Variants in ADAMTS16 observed in about 807,000 individuals in gnomAD.
ADAMTS16 encodes A disintegrin and metalloproteinase with thrombospondin motifs 16.
ADAMTS16 carries 94 observed loss-of-function variants against 145.8 expected under a neutral mutation model. The observed-to-expected ratio is 0.64, with a 90% CI of 0.55 to 0.77. ADAMTS16 has a LOEUF of 0.77. ADAMTS16 is among the 30% of genes least tolerant of loss of function. ADAMTS16 has a pLI of 0.00. For synonymous variants in ADAMTS16, 659 were observed against 604.3 expected (o/e 1.09, Z -1.33); for missense variants, 1,585 against 1,591.5 (o/e 1.00, Z 0.07).
chr5:5,210,990 T>C (rs1736259949), intron 10 of ADAMTS16, among the ~76,000 whole-genome samples: 2 of 152,256 alleles, frequency 1.3e-5, no homozygotes, highest in South Asian at 4.1e-4. Context: ...GTTGATTTGC[T>C]GATATTTGCT....
At chr5:5,164,974 T>A (rs1159158538) in intron 3 of ADAMTS16, among the ~76,000 whole-genome samples, 1 of 152,210 alleles carries the variant, frequency 6.6e-6, no homozygotes, top group African/African-American at 2.4e-5. Flanking sequence ...AGGTATGATT[T>A]ACATAACTAC....
At chr5:5,142,758 G>C (rs1272056428) in intron 2 of ADAMTS16, among the ~76,000 whole-genome samples, 5 of 152,104 alleles carry the variant, frequency 3.3e-5, no homozygotes, top group African/African-American at 1.2e-4. Context: ...AAATAGCAAA[G>C]AGAACAAAGC....
At chr5:5,247,342 A>C (rs770813801) in intron 17 of ADAMTS16, among the ~76,000 whole-genome samples, 1 of 151,884 alleles carries the variant, frequency 6.6e-6, no homozygotes, top group Non-Finnish European at 1.5e-5. Flanking sequence ...TAAATTACAA[A>C]ATATATTACC....
chr5:5,260,593 A>C (rs1198134776), intron 17 of ADAMTS16, among the ~76,000 whole-genome samples: 3 of 152,196 alleles, frequency 2.0e-5, no homozygotes, highest in African/African-American at 7.2e-5. Context: ...CTGCTTTATC[A>C]ATGCTCAAAG....
At chr5:5,242,812 T>C (rs191570659) in intron 17 of ADAMTS16, among the ~76,000 whole-genome samples, 1 of 152,348 alleles carries the variant, frequency 6.6e-6, no homozygotes, top group Admixed American at 6.5e-5. Context: ...AAAGGAAGTT[T>C]TTAGCCAGAG....
chr5:5,306,460 AAAG>A (rs761198243), intron 20 of ADAMTS16, 41 bp from the exon 21 acceptor site: 18 of 1,571,370 alleles, frequency 1.1e-5, no homozygotes, highest in East Asian at 2.3e-5. Flanking sequence ...TTTTGCAAAA[AAAG>A]AGATTTTTTT....
chr5:5,175,492 C>T (rs1183293979), intron 3 of ADAMTS16, among the ~76,000 whole-genome samples: 1 of 152,192 alleles, frequency 6.6e-6, no homozygotes, highest in Non-Finnish European at 1.5e-5. Context: ...AACACACTCA[C>T]TCCCTTGGCC....
At chr5:5,192,224 C>A (rs1254866566) in intron 8 of ADAMTS16, among the ~76,000 whole-genome samples, 1 of 152,134 alleles carries the variant, frequency 6.6e-6, no homozygotes, top group Non-Finnish European at 1.5e-5. Context: ...CACAGCAATG[C>A]ACAAGTTTCC....
At chr5:5,244,409 CA>C in intron 17 of ADAMTS16, among the ~76,000 whole-genome samples, 1 of 152,266 alleles carries the variant, frequency 6.6e-6, no homozygotes, top group African/African-American at 2.4e-5. Context: ...ATTATCTTGT[CA>C]AAACCTTCGA....
rs769055460 is a variant in ADAMTS16, at chr5:5,146,410, A to T, written c.456A>T (p.Arg152=). 2.5e-6 allele frequency: 4 copies of T among 1,613,150 alleles called. No individual in the cohort carries two copies. In the African/African-American group the frequency reaches 5.3e-5, roughly 22 times the overall value. The change falls in exon 3 of 23, where the codon CGA becomes CGT. Residue 152 remains arginine, a synonymous_variant. Transcript: ENST00000274181. ...TCTGTTTCTATCAAGGCTCTTTGCG[A>T]TCACACAGAAACTCCTCAGTGGCCC... The part of the protein sequence containing the change: ...EDFCFYQGSL[R]SHRNSSVALS...
At chr5:5,169,398 T>C (rs766829151) in intron 3 of ADAMTS16, among the ~76,000 whole-genome samples, 1 of 152,160 alleles carries the variant, frequency 6.6e-6, no homozygotes, top group Non-Finnish European at 1.5e-5. Flanking sequence ...CATTCATTCG[T>C]CATTGCCCAG....
At chr5:5,183,931 A>G (rs1249615036) in intron 4 of ADAMTS16, among the ~76,000 whole-genome samples, 1 of 152,218 alleles carries the variant, frequency 6.6e-6, no homozygotes, top group African/African-American at 2.4e-5. Flanking sequence ...TTCATAATAA[A>G]ACTAGCGAAA....
At chr5:5,275,416 T>C (rs1432421080) in intron 18 of ADAMTS16, among the ~76,000 whole-genome samples, 1 of 152,202 alleles carries the variant, frequency 6.6e-6, no homozygotes, top group African/African-American at 2.4e-5. Flanking sequence ...GTGTTCTGAA[T>C]AGGGTTATTC....
At chr5:5,158,253 T>A (rs192979564) in intron 3 of ADAMTS16, among the ~76,000 whole-genome samples, 211 of 152,282 alleles carry the variant, frequency 1.4e-3, no homozygotes, top group Non-Finnish European at 2.0e-3. Flanking sequence ...AGCACCATGA[T>A]TGTTACGATT....
At position 5,209,458 on chromosome 5, in the gene ADAMTS16, A is replaced by G. The variant is rs1198506452; in HGVS notation, c.1605+212A>G. On this transcript the variant is annotated intron_variant, in intron 10 of 22. Transcript: ENST00000274181. Reference sequence around the variant, plus strand: ...TTGTGGGTATCAGTTTTCATTTGAGAACCGACTTGGCCTGTTAGGTTGGAT... The same window carrying G: ...TTGTGGGTATCAGTTTTCATTTGAGGACCGACTTGGCCTGTTAGGTTGGAT... 3.3e-5 allele frequency among the ~76,000 whole-genome samples: 5 copies of G among 152,266 alleles called. No individual in the cohort carries two copies. The East Asian group carries it at 9.7e-4, about 29-fold the overall frequency.
intron 4 of ADAMTS16, among the ~76,000 whole-genome samples, chr5:5,183,468 G>T (rs1004315830): frequency 2.6e-5 from 4 of 152,242 alleles, no homozygotes; most frequent in Non-Finnish European, 4.4e-5. Flanking sequence ...GTCAGAGCAG[G>T]ACAAATTCCG....
At chr5:5,147,576 T>C (rs534336079) in intron 3 of ADAMTS16, among the ~76,000 whole-genome samples, 1 of 152,358 alleles carries the variant, frequency 6.6e-6, no homozygotes, top group South Asian at 2.1e-4. Flanking sequence ...ATCTCATTGC[T>C]ATTTCACTTG....
chr5:5,202,374 T>A (rs533997058), intron 9 of ADAMTS16, among the ~76,000 whole-genome samples: 77 of 152,132 alleles, frequency 5.1e-4, no homozygotes, highest in African/African-American at 8.9e-4. Flanking sequence ...TGATCATTTT[T>A]TAAAAAAAAA....
At chr5:5,211,874 G>T (rs1736278441) in intron 10 of ADAMTS16, among the ~76,000 whole-genome samples, 1 of 151,716 alleles carries the variant, frequency 6.6e-6, no homozygotes, top group Admixed American at 6.6e-5. Context: ...TATTAGTTTT[G>T]ATTTCTAATT....
Sources: gnomAD v4.1 joint callset for allele counts (sites outside exome capture counted in the v4.1 genomes callset) on GRCh38, gnomAD v4.1.1 for gene constraint, MANE v1.5 for transcripts, NCBI Gene and HGNC (gene_info 2026-07-23, HGNC 2026-07-21) for gene names.